MTUS2: variants seen among roughly 807,000 people sequenced by gnomAD.
MTUS2 encodes microtubule-associated tumor suppressor candidate 2.
A neutral mutation model predicts 114.1 loss-of-function variants in MTUS2; 40 were observed. That is an observed-to-expected ratio of 0.35 (90% CI 0.27 to 0.46). MTUS2 has a LOEUF of 0.46. Ranked by LOEUF, MTUS2 falls within the 20% of genes least tolerant of loss-of-function variation. MTUS2 has a pLI of 1.00. For synonymous variants in MTUS2, 688 were observed against 672.0 expected, an observed-to-expected ratio of 1.02 and a Z score of -0.37; for missense variants, 1,679 against 1,705.4, an observed-to-expected ratio of 0.98 and a Z score of 0.27.
Position 29,025,237 on chromosome 13 carries a change from C to T in MTUS2, c.539C>T (p.Ala180Val). ...CTGAGGAGGCATTCTTTGGAAAGAG[C>T]AAGCAGCTCTGTAGCTGCAGTCGGG... is the stretch of plus-strand genomic sequence containing the variant. ...EELRRHSLER[A>V]SSSVAAVGSL... Residue 180 changes from alanine to valine, a missense_variant, in exon 3 of 16, where the codon GCA (alanine) becomes GTA (valine). Coordinates refer to ENST00000612955, the MANE Select transcript of MTUS2 (RefSeq NM_001033602.4). The T allele has an allele frequency of 6.2e-7, 1 of 1,614,006 alleles. No homozygotes were observed. Among genetic ancestry groups the T allele is most frequent in the Non-Finnish European group, 8.5e-7 (1 of 1,179,900 alleles).
intron 5 of MTUS2, among the ~76,000 whole-genome samples, chr13:29,104,347 C>T (rs1300066797): frequency 6.6e-6 from 1 of 152,176 alleles, no homozygotes; most frequent in Non-Finnish European, 1.5e-5. Flanking sequence ...GTTCTTTCTA[C>T]TCTATTTCCT....
chr13:29,208,388 GTTTCT>G (rs1418627167), intron 5 of MTUS2, among the ~76,000 whole-genome samples: 1 of 151,686 alleles, frequency 6.6e-6, no homozygotes, highest in African/African-American at 2.4e-5. Flanking sequence ...CAAGCTTTTT[GTTTCT>G]TTTATCTTTT....
Position 29,288,402 on chromosome 13 carries a change from C to T in MTUS2, c.2806+6537C>T, listed in dbSNP as rs149918498. Among the ~76,000 whole-genome samples, 737 of 152,104 alleles carry T rather than the reference C, an allele frequency of 4.8e-3. 6 individuals are homozygous for T. Among genetic ancestry groups the T allele is most frequent in the African/African-American group, 0.016 (676 of 41,480 alleles). On this transcript the variant is annotated intron_variant, in intron 6 of 15. Coordinates refer to ENST00000612955, the MANE Select transcript of MTUS2 (RefSeq NM_001033602.4). ...GGGGCAGCAGCTGAGGAAATGGAAG[C>T]CATGAGCTCAGACTGTTCTTTGAGG...
chr13:29,142,991 C>G (rs1892288584), intron 5 of MTUS2, among the ~76,000 whole-genome samples: 1 of 152,144 alleles, frequency 6.6e-6, no homozygotes, highest in Non-Finnish European at 1.5e-5. Flanking sequence ...AAACAAAAAC[C>G]AGAGAAGATT....
chr13:29,368,147 C>T (rs1231613262), intron 8 of MTUS2, among the ~76,000 whole-genome samples: 1 of 151,766 alleles, frequency 6.6e-6, no homozygotes, highest in Admixed American at 6.6e-5. Flanking sequence ...ACCATGTTAG[C>T]CAGGATGGTC....
chr13:28,997,489 A>G lies in MTUS2; in HGVS notation c.-242-26968A>G, dbSNP rs938805878. 5.9e-5 allele frequency among the ~76,000 whole-genome samples: 9 copies of G among 152,160 alleles called. No homozygotes were observed. In the East Asian group the frequency reaches 1.5e-3, roughly 26 times the overall value. ...TGATCTGTCTAATGTTGACAGTGGG[A>G]TGTTAAAGTCTCCCATTATTATTGT... On this transcript the variant is annotated intron_variant, in intron 2 of 15. Coordinates refer to ENST00000612955, the MANE Select transcript of MTUS2 (RefSeq NM_001033602.4).
chr13:28,852,531 A>G (rs1259355867), intron 2 of MTUS2, among the ~76,000 whole-genome samples: 2 of 152,124 alleles, frequency 1.3e-5, no homozygotes, highest in South Asian at 2.1e-4. Flanking sequence ...CTAAAAATAT[A>G]TTTGTTTCTG....
At chr13:29,185,274 A>G (rs920658712) in intron 5 of MTUS2, among the ~76,000 whole-genome samples, 2 of 152,146 alleles carry the variant, frequency 1.3e-5, no homozygotes, top group Non-Finnish European at 2.9e-5. Context: ...ACAGAGCCTC[A>G]AAGGTCTATG....
intron 2 of MTUS2, among the ~76,000 whole-genome samples, chr13:28,857,657 G>A (rs1876721005): frequency 6.6e-6 from 1 of 152,208 alleles, no homozygotes. Flanking sequence ...TAATATGGAA[G>A]CAGTGAAGGA....
intron 3 of MTUS2, 136 bp downstream of exon 3, chr13:29,027,039 G>T (rs1886593163): frequency 1.0e-6 from 1 of 965,852 alleles, no homozygotes; most frequent in Non-Finnish European, 1.5e-6. Context: ...GTGAAGAAAT[G>T]GAGTTTTTGA....
At chr13:29,475,992 G>A (rs1880674388) in intron 9 of MTUS2, among the ~76,000 whole-genome samples, 2 of 152,280 alleles carry the variant, frequency 1.3e-5, no homozygotes, top group South Asian at 2.1e-4. Flanking sequence ...CTCCAGTCCT[G>A]CAGGCTTCAT....
chr13:29,430,813 TCCAACTTCAA>T (rs1322001970), intron 8 of MTUS2, among the ~76,000 whole-genome samples: 1 of 152,180 alleles, frequency 6.6e-6, no homozygotes, highest in Admixed American at 6.5e-5. Context: ...AGGATTCCAT[TCCAACTTCAA>T]ACTCTAGAAA....
chr13:29,374,620 G>A (rs981079442), intron 8 of MTUS2, among the ~76,000 whole-genome samples: 6 of 152,228 alleles, frequency 3.9e-5, no homozygotes, highest in African/African-American at 4.8e-5. Flanking sequence ...GAAATAGGCC[G>A]GGCATGGAGG....
chr13:29,230,274 A>G lies in MTUS2; in HGVS notation c.2645-51430A>G, dbSNP rs184670691. ...AAATAAAAATACAAAAATAAAATAA[A>G]AAATAAAAATTACCAGGCATTCCAA... On this transcript the variant is annotated intron_variant, in intron 5 of 15. Transcript: ENST00000612955. 2.6e-3 allele frequency among the ~76,000 whole-genome samples: 389 copies of G among 152,304 alleles called. 2 individuals are homozygous for G. Among genetic ancestry groups the G allele is most frequent in the African/African-American group, 8.4e-3 (348 of 41,564 alleles).
At chr13:29,235,131 T>A (rs921070997) in intron 5 of MTUS2, among the ~76,000 whole-genome samples, 1 of 152,144 alleles carries the variant, frequency 6.6e-6, no homozygotes, top group Admixed American at 6.6e-5. Context: ...GGTTTTGCTC[T>A]TGTTGCCCAG....
chr13:29,163,321 G>A (rs538424520), intron 5 of MTUS2, among the ~76,000 whole-genome samples: 11 of 152,240 alleles, frequency 7.2e-5, no homozygotes, highest in Non-Finnish European at 1.3e-4. Context: ...CCGTCCCCTC[G>A]GCAGGGGTTT....
chr13:29,387,794 A>G (rs753659414), intron 8 of MTUS2, among the ~76,000 whole-genome samples: 20 of 152,314 alleles, frequency 1.3e-4, no homozygotes, highest in Middle Eastern at 3.4e-3. Flanking sequence ...CTCGCATGGC[A>G]AAGCCACTTA....
intron 2 of MTUS2, among the ~76,000 whole-genome samples, chr13:29,005,170 G>C (rs998943136): frequency 6.6e-6 from 1 of 152,156 alleles, no homozygotes; most frequent in Non-Finnish European, 1.5e-5. Flanking sequence ...ATGTACGTAG[G>C]GTGAGTGAGT....
intron 5 of MTUS2, among the ~76,000 whole-genome samples, chr13:29,149,035 T>A (rs1185221887): frequency 6.6e-6 from 1 of 152,222 alleles, no homozygotes; most frequent in African/African-American, 2.4e-5. Context: ...TATATTCCTT[T>A]GGGTATGTAC....
Sources: gnomAD v4.1 joint callset for allele counts (sites outside exome capture counted in the v4.1 genomes callset) on GRCh38, gnomAD v4.1.1 for gene constraint, MANE v1.5 for transcripts, NCBI Gene and HGNC (gene_info 2026-07-23, HGNC 2026-07-21) for gene names.